The following LANCL3 variants were observed in gnomAD, a reference collection of about 807,000 sequenced individuals.
LANCL3 encodes the protein lanC-like protein 3.
A neutral mutation model predicts 26.5 loss-of-function variants in LANCL3; 19 were observed. The ratio of observed to expected loss-of-function variants is 0.72; its 90% CI spans 0.50 to 1.05. The LOEUF (loss-of-function observed/expected upper bound fraction) is 1.05, where lower values mean the gene tolerates loss of function less well. Among genes scored for constraint, LANCL3 ranks in the 50% least tolerant of loss-of-function variants. The pLI, the probability that LANCL3 is intolerant of heterozygous loss-of-function variation, is 0.00. For missense variants in LANCL3, 318 were observed against 362.7 expected (o/e 0.88, Z 1.00); for synonymous variants, 160 against 166.6 (o/e 0.96, Z 0.30).
chrX:37,601,437 A>T (rs1924572385), intron 1 of LANCL3, among the ~76,000 whole-genome samples: 1 of 110,559 alleles, frequency 9.0e-6, no homozygotes, highest in Admixed American at 9.7e-5. Flanking sequence ...AACTAACAAG[A>T]ATTATTTTAA....
chrX:37,586,309 C>T (rs1258252371), intron 1 of LANCL3, among the ~76,000 whole-genome samples: 6 of 111,030 alleles, frequency 5.4e-5, no homozygotes, highest in African/African-American at 1.6e-4. Context: ...ATCTTTGTGA[C>T]GTTCTCTGCA....
chrX:37,631,815 G>A (rs1556424408), intron 1 of LANCL3, among the ~76,000 whole-genome samples: 1 of 111,332 alleles, frequency 9.0e-6, no homozygotes. Context: ...TGGTCTGAGA[G>A]ACAGTTTGTT....
intron 1 of LANCL3, among the ~76,000 whole-genome samples, chrX:37,644,280 A>G (rs1925937582): frequency 8.9e-6 from 1 of 112,038 alleles, no homozygotes; most frequent in South Asian, 3.8e-4. Flanking sequence ...CTACTGAGTC[A>G]GAATCTCTGA....
At chrX:37,598,560 A>T (rs1385831697) in intron 1 of LANCL3, among the ~76,000 whole-genome samples, 1 of 112,406 alleles carries the variant, frequency 8.9e-6, no homozygotes, top group African/African-American at 3.2e-5. Flanking sequence ...ACACCTTCTT[A>T]TCACTTAGGA....
intron 1 of LANCL3, among the ~76,000 whole-genome samples, chrX:37,651,443 A>T (rs782585191): frequency 8.9e-6 from 1 of 112,334 alleles, no homozygotes; most frequent in East Asian, 2.8e-4. Context: ...CAATTTTGTT[A>T]TTCTTTATAG....
intron 1 of LANCL3, among the ~76,000 whole-genome samples, chrX:37,578,980 T>TAAAA (rs782094502): frequency 1.9e-5 from 1 of 53,712 alleles, no homozygotes; most frequent in South Asian, 9.6e-4. Context: ...ACTCCATCTC[T>TAAAA]AAAAAAAAAA....
chrX:37,647,597 A>G (rs375540194), intron 1 of LANCL3, among the ~76,000 whole-genome samples: 68 of 112,160 alleles, frequency 6.1e-4, no homozygotes, highest in African/African-American at 2.1e-3. Flanking sequence ...ACTCTGTTAC[A>G]TATATGTTTG....
chrX:37,664,614 T>G (rs1926500727), intron 3 of LANCL3, among the ~76,000 whole-genome samples: 1 of 111,766 alleles, frequency 8.9e-6, no homozygotes, highest in African/African-American at 3.3e-5. Flanking sequence ...GTTTGTTACA[T>G]GGGTAAATTG....
intron 3 of LANCL3, among the ~76,000 whole-genome samples, chrX:37,662,399 A>AT (rs1926443514): frequency 1.8e-5 from 2 of 112,161 alleles, no homozygotes; most frequent in East Asian, 2.8e-4. Flanking sequence ...AGGAGTGGGT[A>AT]TTTTTTTAAA....
At chrX:37,666,516 A>G (rs1461155150) in intron 3 of LANCL3, among the ~76,000 whole-genome samples, 3 of 112,383 alleles carry the variant, frequency 2.7e-5, no homozygotes, top group African/African-American at 9.7e-5. Context: ...CACTTTTTAT[A>G]TAGGAGAAAG....
chrX:37,600,961 A>G (rs1688164893), intron 1 of LANCL3, among the ~76,000 whole-genome samples: 1 of 111,826 alleles, frequency 8.9e-6, no homozygotes, highest in South Asian at 3.7e-4. Flanking sequence ...CTCAGTAAAA[A>G]CATTCAGCTG....
rs1926599728 is a variant in LANCL3, at chrX:37,668,327, A to G, written c.1103+838A>G. The stretch of plus-strand genomic sequence containing the variant: ...ATCCTAGTTATATACATAAATATAT[A>G]TATATTTATAATTTTGACAATATAA... On this transcript the variant is annotated intron_variant, in intron 4 of 4. Coordinates refer to ENST00000378619, the MANE Select transcript of LANCL3 (RefSeq NM_001170331.2). 14 of 242,037 alleles carry G rather than the reference A, an allele frequency of 5.8e-5. No homozygotes were observed. In the East Asian group the frequency reaches 1.1e-3, roughly 20 times the overall value. The allele number at this position is 242,037 out of a possible 1,213,427, so 19.9% of individuals were successfully genotyped here. A position where few individuals can be genotyped will look rare whatever the true frequency, so the allele number is the denominator to read the frequency against.
chrX:37,633,978 A>G (rs1556425028), intron 1 of LANCL3, among the ~76,000 whole-genome samples: 1 of 112,408 alleles, frequency 8.9e-6, no homozygotes, highest in Non-Finnish European at 1.9e-5. Flanking sequence ...AGACAGGGAC[A>G]TTTAAGTCGG....
At chrX:37,657,266 C>T (rs369001212) in intron 2 of LANCL3, among the ~76,000 whole-genome samples, 1 of 112,738 alleles carries the variant, frequency 8.9e-6, no homozygotes, top group Non-Finnish European at 1.9e-5. Flanking sequence ...AGATATGAAG[C>T]GGGAGCAAAG....
intron 1 of LANCL3, among the ~76,000 whole-genome samples, chrX:37,605,621 A>G (rs1386572610): frequency 9.0e-6 from 1 of 111,375 alleles, no homozygotes; most frequent in Non-Finnish European, 1.9e-5. Context: ...TGCTTCATAC[A>G]CACAGGCCTC....
rs1926884163 is a variant in LANCL3 at position 37,679,440 on chromosome X, T to C, written c.*3627T>C. The C allele has an allele frequency of 8.9e-6, 1 of 111,793 alleles. No individual in the cohort carries two copies. Among genetic ancestry groups the C allele is most frequent in the Non-Finnish European group, 1.9e-5 (1 of 53,141 alleles). 9.2% of individuals were successfully genotyped at this position (111,793 alleles called of 1,213,427 possible). On this transcript the variant is annotated 3_prime_UTR_variant, in exon 5 of 5. Transcript: ENST00000378619. ...CTACATGGGAATAGACTGATTTAGC[T>C]CAGGAGCTCCTTTTAATGCAAATAT...
chrX:37,577,634 A>G (rs1219162235), intron 1 of LANCL3, among the ~76,000 whole-genome samples: 3 of 112,648 alleles, frequency 2.7e-5, no homozygotes, highest in Non-Finnish European at 3.7e-5. Flanking sequence ...AGTTGCTGTG[A>G]TGACCAGTCC....
intron 2 of LANCL3, among the ~76,000 whole-genome samples, chrX:37,656,209 A>G (rs1378998066): frequency 2.7e-5 from 3 of 109,616 alleles, no homozygotes; most frequent in Non-Finnish European, 5.7e-5. Flanking sequence ...ATAACAGACT[A>G]TTGAATTGTA....
intron 1 of LANCL3, among the ~76,000 whole-genome samples, chrX:37,578,640 T>C (rs1217314481): frequency 8.9e-6 from 1 of 112,221 alleles, no homozygotes; most frequent in Non-Finnish European, 1.9e-5. Context: ...TTAAAAATTA[T>C]TTCTCTCATC....
Sources: allele counts gnomAD v4.1 joint callset (sites outside exome capture counted in the v4.1 genomes callset), GRCh38; gene constraint gnomAD v4.1.1; transcripts MANE v1.5; gene names NCBI Gene and HGNC (gene_info 2026-07-23, HGNC 2026-07-21).